HEXB: variants seen among roughly 807,000 people sequenced by gnomAD.
HEXB encodes the protein hexosaminidase subunit beta.
In HEXB, 51 loss-of-function variants were observed where a neutral mutation model predicts 71.2. The ratio of observed to expected loss-of-function variants is 0.72; its 90% CI spans 0.57 to 0.90. The LOEUF is 0.90. Ranked by LOEUF, HEXB falls within the 40% of genes least tolerant of loss-of-function variation. HEXB has a pLI of 0.00. For missense variants in HEXB, 617 were observed against 677.0 expected (o/e 0.91, Z 0.98); for synonymous variants, 266 against 249.3 (o/e 1.07, Z -0.63).
Position 74,700,723 on chromosome 5 carries a change from T to C in HEXB, c.669+3617T>C, listed in dbSNP as rs149417726. Among the ~76,000 whole-genome samples, 1,303 of 152,318 alleles carry C rather than the reference T, an allele frequency of 8.6e-3. 21 individuals carry two copies. The highest frequency in any genetic ancestry group is 0.03 in the African/African-American group (1,238 of 41,576). Reference sequence around the variant, plus strand: ...TACATTTTATTTATTTATTTATTTATTGAGACGGAGTTTTGCTCTTGTTGC... The same window carrying C: ...TACATTTTATTTATTTATTTATTTACTGAGACGGAGTTTTGCTCTTGTTGC... On this transcript the variant is annotated intron_variant, in intron 5 of 13. Coordinates refer to ENST00000261416, the MANE Select transcript of HEXB (RefSeq NM_000521.4).
chr5:74,694,335 C>T (rs1308084333), intron 3 of HEXB, among the ~76,000 whole-genome samples: 2 of 152,194 alleles, frequency 1.3e-5, no homozygotes, highest in Non-Finnish European at 2.9e-5. Context: ...TTTGTTTCAG[C>T]TATCACTTCT....
upstream of HEXB, chr5:74,685,215 C>T: frequency 5.5e-6 from 8 of 1,467,626 alleles, no homozygotes; most frequent in African/African-American, 2.9e-5. Flanking sequence ...AAGTCGGGTC[C>T]CGAGGCTCCG....
chr5:74,699,312 T>A (rs892222934), intron 5 of HEXB, among the ~76,000 whole-genome samples: 1 of 151,922 alleles, frequency 6.6e-6, no homozygotes, highest in African/African-American at 2.4e-5. Flanking sequence ...CTCGCTGTGT[T>A]ACCCAGGCTG....
At chr5:74,654,257 T>C (rs554248267) in intron 1 of HEXB, among the ~76,000 whole-genome samples, 12 of 152,336 alleles carry the variant, frequency 7.9e-5, no homozygotes, top group Admixed American at 7.8e-4. Flanking sequence ...ACGAATCACT[T>C]GGGGAACTTG....
At chr5:74,719,287 T>G (rs1216836535) in intron 11 of HEXB, among the ~76,000 whole-genome samples, 1 of 152,182 alleles carries the variant, frequency 6.6e-6, no homozygotes, top group Non-Finnish European at 1.5e-5. Flanking sequence ...TCTAAAGGTA[T>G]TTGATTGCAT....
At chr5:74,664,615 C>A (rs373061260) in intron 1 of HEXB, among the ~76,000 whole-genome samples, 5 of 151,262 alleles carry the variant, frequency 3.3e-5, no homozygotes, top group Admixed American at 1.3e-4. Context: ...AAGTGGAAAT[C>A]GATAATCTGA....
intron 1 of HEXB, among the ~76,000 whole-genome samples, chr5:74,672,357 G>C (rs1006147341): frequency 6.6e-6 from 1 of 152,164 alleles, no homozygotes; most frequent in African/African-American, 2.4e-5. Flanking sequence ...GAGCTTTCTG[G>C]TCCTTTGCAC....
intron 1 of HEXB, among the ~76,000 whole-genome samples, chr5:74,671,428 C>T (rs989975798): frequency 6.6e-6 from 1 of 151,718 alleles, no homozygotes. Context: ...AAAAAAAAAG[C>T]CATATGGTAC....
Position 74,697,063 on chromosome 5 carries a change from C to A in HEXB, c.626C>A (p.Thr209Lys). 6.4e-7 allele frequency: 1 copy of A among 1,564,370 alleles called. No homozygotes were observed. Among genetic ancestry groups the A allele is most frequent in the East Asian group, 2.2e-5 (1 of 44,552 alleles). Residue 209 changes from threonine (T) to lysine (K), a missense_variant, in exon 5 of 14, where the codon ACA becomes AAA. By Grantham distance (78) the Thr-to-Lys change is moderately conservative. Transcript: ENST00000261416. ...RFSHRGILID[T>K]SRHYLPVKII... The stretch of plus-strand genomic sequence containing the variant: ...TCTCACAGAGGAATTTTGATTGATA[C>A]ATCCAGACATTATCTGCCAGTTAAG...
chr5:74,640,427 C>A (rs1747815708), exon 1 of HEXB: 1 of 152,304 alleles, frequency 6.6e-6, no homozygotes, highest in Non-Finnish European at 1.5e-5. Flanking sequence ...AAAGGAGGGC[C>A]AGCCGGGGAG....
At chr5:74,673,759 G>A (rs1337218144) in intron 1 of HEXB, among the ~76,000 whole-genome samples, 1 of 152,120 alleles carries the variant, frequency 6.6e-6, no homozygotes, top group East Asian at 1.9e-4. Context: ...TAATTCTAGA[G>A]TTAGCACCTA....
intron 2 of HEXB, among the ~76,000 whole-genome samples, chr5:74,690,998 C>T (rs1184958612): frequency 6.6e-6 from 1 of 152,106 alleles, no homozygotes; most frequent in East Asian, 1.9e-4. Flanking sequence ...CTTTGCTGTC[C>T]ATTGGCAATA....
At chr5:74,685,807 A>T (rs903829249) in intron 1 of HEXB, among the ~76,000 whole-genome samples, 3 of 151,968 alleles carry the variant, frequency 2.0e-5, no homozygotes, top group Non-Finnish European at 4.4e-5. Flanking sequence ...TGGAAGAGGG[A>T]GTTTGCTCTG....
At position 74,685,308 on chromosome 5, in the gene HEXB, G is replaced by A; in HGVS notation, c.48G>A (p.Ala16=). The A allele has an allele frequency of 6.4e-7, 1 of 1,564,540 alleles. No homozygotes were observed. The change falls in exon 1 of 14, where the codon GCG becomes GCA. Residue 16 remains alanine (A), a synonymous_variant. Transcript: ENST00000261416. ...TGCCCCGGCCGCCCATGCTGCTGGC[G>A]CTGCTGTTGGCGACACTGCTGGCGG... ...LGLPRPPMLL[A]LLLATLLAAM...
At chr5:74,713,436 C>A in intron 6 of HEXB, 70 bp from the exon 7 acceptor site, 1 of 1,466,632 alleles carries the variant, frequency 6.8e-7, no homozygotes, top group Non-Finnish European at 9.5e-7. Flanking sequence ...AATGCAAGCA[C>A]AATTGTTAAC....
Position 74,705,277 on chromosome 5 carries a change from CT to C in HEXB, c.731del (p.Phe244SerfsTer11), listed in dbSNP as rs2112156393. ...VLHWHIVDDQ[S>X]FPYQSITFPE... ...CACTGGCACATAGTTGATGACCAGT[CT>C]TTCCCATATCAGAGCATCACTTTTC... is the stretch of plus-strand genomic sequence containing the variant. On this transcript the variant is annotated frameshift_variant, in exon 6 of 14. Transcript: ENST00000261416. LOFTEE classifies it high-confidence loss of function. 2 of 1,611,290 alleles carry C rather than the reference CT, an allele frequency of 1.2e-6. No homozygotes were observed. The highest frequency in any genetic ancestry group is 1.7e-6 in the Non-Finnish European group (2 of 1,177,562).
intron 3 of HEXB, 78 bp downstream of exon 3, chr5:74,693,782 C>CA: frequency 1.0e-6 from 1 of 1,001,918 alleles, no homozygotes; most frequent in Non-Finnish European, 1.6e-6. Flanking sequence ...TTAAGCACAG[C>CA]AAAACTTTGC....
chr5:74,700,001 C>CTTTTTTTTTTTTTTTTTT (rs58177670), intron 5 of HEXB, among the ~76,000 whole-genome samples: 1 of 40,334 alleles, frequency 2.5e-5, no homozygotes, highest in Non-Finnish European at 4.3e-5. Context: ...TGTAAGTTTC[C>CTTTTTTTTTTTTTTTTTT]TTTTTTTTTT....
rs1217200068 is a variant in HEXB at position 74,685,256 on chromosome 5, C to A, written c.-5C>A. 6.7e-7 allele frequency: 1 copy of A among 1,503,336 alleles called. No individual in the cohort carries two copies. The highest frequency in any genetic ancestry group is 2.1e-5 in the Admixed American group (1 of 46,842). 93.1% of individuals were successfully genotyped at this position (1,503,336 alleles called of 1,614,324 possible). On this transcript the variant is annotated 5_prime_UTR_variant, in exon 1 of 14. Coordinates refer to ENST00000261416, the MANE Select transcript of HEXB (RefSeq NM_000521.4). The stretch of plus-strand genomic sequence containing the variant: ...GCAGACCGGGCGGAAAGCAGCCGAG[C>A]GGCCATGGAGCTGTGCGGGCTGGGG...
Sources: gnomAD v4.1 joint callset for allele counts (sites outside exome capture counted in the v4.1 genomes callset) on GRCh38, gnomAD v4.1.1 for gene constraint, MANE v1.5 for transcripts, NCBI Gene and HGNC (gene_info 2026-07-23, HGNC 2026-07-21) for gene names.